The following RAB35 variants were observed in gnomAD, a reference collection of about 807,000 sequenced individuals.
RAB35 encodes ras-related protein Rab-35.
Under a neutral mutation model 28.9 loss-of-function variants are expected in RAB35, and 4 were observed. The observed-to-expected ratio is 0.14, with a 90% CI of 0.07 to 0.32. RAB35 has a LOEUF of 0.32. RAB35 is among the 10% of genes least tolerant of loss of function. RAB35 has a pLI of 1.00. For synonymous variants in RAB35, 99 were observed against 105.1 expected (o/e 0.94, Z 0.35); for missense variants, 128 against 274.0 (o/e 0.47, Z 3.76).
rs1488310836 is a variant in RAB35, at chr12:120,103,998, C to A, written c.104-49G>T. The A allele has an allele frequency of 2.1e-5, 34 of 1,603,956 alleles. No individual in the cohort carries two copies. Among genetic ancestry groups the A allele is most frequent in the Non-Finnish European group, 2.7e-5 (32 of 1,175,242 alleles). On this transcript the variant is annotated intron_variant, in intron 2 of 5. Transcript: ENST00000229340. The surrounding 1 kb of genome is among the most constrained non-coding windows in gnomAD (Gnocchi z 6.1). ...AGGCCCAGCGCGGTATCTTCCCAGG[C>A]CCTGAGCCCCACGCTGCACACAACA...
chr12:120,101,533 C>A (rs1453549691), intron 3 of RAB35, among the ~76,000 whole-genome samples: 1 of 152,200 alleles, frequency 6.6e-6, no homozygotes, highest in Non-Finnish European at 1.5e-5. Context: ...CGCCCTGCAT[C>A]GGAAAAAAGT....
chr12:120,104,420 G>A (rs1271546609), intron 2 of RAB35, among the ~76,000 whole-genome samples: 2 of 152,196 alleles, frequency 1.3e-5, no homozygotes, highest in African/African-American at 4.8e-5. Context: ...TCCAGGCAGG[G>A]GAGACAGTAG....
rs1261941489 is a variant in RAB35, at chr12:120,097,037, A to G, written c.*208T>C. ...GCGCCTTGGCCGGGGAGGAGGGGGC[A>G]CCAGTAGGGAAGGGCGGGCTGGTCC... is the stretch of plus-strand genomic sequence containing the variant. On this transcript the variant is annotated 3_prime_UTR_variant, in exon 6 of 6. Coordinates refer to ENST00000229340, the MANE Select transcript of RAB35 (RefSeq NM_006861.7). 6.6e-7 allele frequency: 1 copy of G among 1,520,084 alleles called. No homozygotes were observed. Among genetic ancestry groups the G allele is most frequent in the Admixed American group, 2.0e-5 (1 of 50,438 alleles). The allele number at this position is 1,520,084 out of a possible 1,614,324, so 94.2% of individuals were successfully genotyped here.
At chr12:120,107,115 A>G (rs1300886800) in intron 2 of RAB35, among the ~76,000 whole-genome samples, 1 of 151,904 alleles carries the variant, frequency 6.6e-6, no homozygotes, top group Admixed American at 6.6e-5. Context: ...CAGCCTCCCC[A>G]GTCGCTAGGA....
In RAB35 at chr12:120,096,393, T is replaced by C; in HGVS notation, c.*852A>G. 8.0e-7 allele frequency: 1 copy of C among 1,254,318 alleles called. No individual in the cohort carries two copies. Among genetic ancestry groups the C allele is most frequent in the South Asian group, 1.3e-5 (1 of 77,278 alleles). 77.7% of individuals were successfully genotyped at this position (1,254,318 alleles called of 1,614,324 possible). A position where few individuals can be genotyped will look rare whatever the true frequency, so the allele number is the denominator to read the frequency against. ...TTGTGAGGAATTTAATTCACTTGATTTGGCTTCATTTTCTTGATCTGTTAA... is the reference window on the plus strand; with the variant it reads ...TTGTGAGGAATTTAATTCACTTGATCTGGCTTCATTTTCTTGATCTGTTAA... On this transcript the variant is annotated 3_prime_UTR_variant, in exon 6 of 6. Transcript: ENST00000229340.
At chr12:120,115,925 C>T (rs1876311702) in intron 1 of RAB35, among the ~76,000 whole-genome samples, 1 of 152,174 alleles carries the variant, frequency 6.6e-6, no homozygotes, top group Non-Finnish European at 1.5e-5. Flanking sequence ...ACTATCATTC[C>T]ATCTTACAGA....
At chr12:120,109,454 A>C (rs1437085922) in intron 1 of RAB35, among the ~76,000 whole-genome samples, 5 of 141,412 alleles carry the variant, frequency 3.5e-5, no homozygotes, top group African/African-American at 1.3e-4. Flanking sequence ...ACTCTGTCTC[A>C]AAAAAAAAAA....
chr12:120,102,007 G>A (rs1440440528), intron 3 of RAB35, among the ~76,000 whole-genome samples: 1 of 152,222 alleles, frequency 6.6e-6, no homozygotes, highest in East Asian at 1.9e-4. Flanking sequence ...TCATGGCCAC[G>A]GGCCTCTGAA....
At chr12:120,111,662 C>A (rs1375101835) in intron 1 of RAB35, among the ~76,000 whole-genome samples, 1 of 151,336 alleles carries the variant, frequency 6.6e-6, no homozygotes, top group African/African-American at 2.4e-5. Flanking sequence ...GCCTGGGCGA[C>A]AGAGCGAGAC....
intron 3 of RAB35, chr12:120,099,535 C>T (rs1409385351): frequency 4.1e-6 from 1 of 245,504 alleles, no homozygotes; most frequent in African/African-American, 2.2e-5. Context: ...TGTCTTTGAA[C>T]ATTCAAAAAA....
chr12:120,101,343 T>TGACTCCCAGGCCC (rs1433628883), intron 3 of RAB35, among the ~76,000 whole-genome samples: 2 of 152,220 alleles, frequency 1.3e-5, no homozygotes, highest in African/African-American at 4.8e-5. Context: ...CGCCCAGGGC[T>TGACTCCCAGGCCC]GACTCCCAGG....
intron 3 of RAB35, among the ~76,000 whole-genome samples, chr12:120,099,935 C>T (rs750062345): frequency 3.3e-4 from 50 of 152,228 alleles, no homozygotes; most frequent in Non-Finnish European, 4.9e-4. Context: ...GGAGGCCAGG[C>T]GGCAGCCCCG....
intron 2 of RAB35, among the ~76,000 whole-genome samples, chr12:120,105,728 C>T (rs1875843694): frequency 6.6e-6 from 1 of 151,926 alleles, no homozygotes; most frequent in East Asian, 1.9e-4. Context: ...TCAAGACCAT[C>T]CTGGCTCACA....
chr12:120,108,699 A>C, intron 1 of RAB35: 19 of 645,842 alleles, frequency 2.9e-5, no homozygotes, highest in Admixed American at 4.2e-5. Flanking sequence ...CTGCTCCCAA[A>C]TCCCCTGGGG....
At chr12:120,100,897 A>T (rs1004494202) in intron 3 of RAB35, among the ~76,000 whole-genome samples, 4 of 152,208 alleles carry the variant, frequency 2.6e-5, no homozygotes, top group Non-Finnish European at 5.9e-5. Context: ...CCACAGGAAC[A>T]GGCGACTGTC....
chr12:120,098,179 C>A (rs1049218737), intron 5 of RAB35, among the ~76,000 whole-genome samples: 1 of 152,234 alleles, frequency 6.6e-6, no homozygotes, highest in Non-Finnish European at 1.5e-5. Context: ...CCGGCGCGCC[C>A]GGCCCAGCTG....
Position 120,095,139 on chromosome 12 carries a change from A to C in RAB35, c.*2106T>G, listed in dbSNP as rs1193470367. The C allele has an allele frequency of 6.6e-6, 1 of 152,362 alleles. No individual in the cohort carries two copies. The highest frequency in any genetic ancestry group is 1.5e-5 in the Non-Finnish European group (1 of 68,042). The allele number at this position is 152,362 out of a possible 1,614,324, so 9.4% of individuals were successfully genotyped here. On this transcript the variant is annotated 3_prime_UTR_variant, in exon 6 of 6. Transcript: ENST00000229340. ...CTTTATTTTTAGTATTTTTTTAAAAAGCATAATTAGAAACTTTCAATACAG... is the reference window on the plus strand; with the variant it reads ...CTTTATTTTTAGTATTTTTTTAAAACGCATAATTAGAAACTTTCAATACAG...
intron 1 of RAB35, among the ~76,000 whole-genome samples, chr12:120,110,641 G>T (rs1330351942): frequency 6.6e-6 from 1 of 152,168 alleles, no homozygotes; most frequent in Non-Finnish European, 1.5e-5. Flanking sequence ...TGTCGCAGTT[G>T]TATTTCCCTA....
intron 2 of RAB35, among the ~76,000 whole-genome samples, chr12:120,106,117 A>G (rs1875861970): frequency 6.6e-6 from 1 of 152,074 alleles, no homozygotes; most frequent in Non-Finnish European, 1.5e-5. Flanking sequence ...CCAACAGTAA[A>G]CTGAGATGCT....
Sources: gnomAD v4.1 joint callset for allele counts (sites outside exome capture counted in the v4.1 genomes callset) on GRCh38, gnomAD v4.1.1 for gene constraint, Gnocchi (gnomAD v3.1) non-coding constraint, MANE v1.5 for transcripts, NCBI Gene and HGNC (gene_info 2026-07-23, HGNC 2026-07-21) for gene names.